Variants in ATP6V1E2 observed in about 807,000 individuals in gnomAD.
ATP6V1E2 encodes V-type proton ATPase subunit E 2.
For synonymous variants in ATP6V1E2, 121 were observed against 104.2 expected (o/e 1.16, Z -0.98); for missense variants, 308 against 273.3 (o/e 1.13, Z -0.90).
intron 4 of ATP6V1E2, among the ~76,000 whole-genome samples, chr2:46,529,009 C>T (rs1344187790): frequency 6.6e-6 from 1 of 152,164 alleles, no homozygotes; most frequent in Non-Finnish European, 1.5e-5. Context: ...GAGGTCAGAG[C>T]CCCAGGCAGC....
chr2:46,516,355 G>A (rs76724814), intron 4 of ATP6V1E2, among the ~76,000 whole-genome samples: 5,219 of 152,290 alleles, frequency 0.034, 112 homozygotes, highest in Non-Finnish European at 0.053. Flanking sequence ...GAATGAAACC[G>A]GAAATCAATA....
intron 4 of ATP6V1E2, among the ~76,000 whole-genome samples, chr2:46,521,047 C>T (rs1176191586): frequency 1.3e-5 from 2 of 152,174 alleles, no homozygotes; most frequent in Non-Finnish European, 2.9e-5. Flanking sequence ...CATTTCCAAA[C>T]TGGTGATTGT....
At chr2:46,534,865 G>A (rs1378349165) in intron 4 of ATP6V1E2, 2 of 152,210 alleles carry the variant, frequency 1.3e-5, no homozygotes, top group Admixed American at 6.5e-5. Flanking sequence ...GTGAGCCCTG[G>A]GAACCAATCA....
At chr2:46,519,667 C>T (rs528159377) in intron 4 of ATP6V1E2, 11 of 152,316 alleles carry the variant, frequency 7.2e-5, no homozygotes, top group Admixed American at 6.5e-4. Context: ...ATAATAGCAG[C>T]TACATCATTG....
chr2:46,524,398 A>T (rs1157632439), intron 4 of ATP6V1E2, among the ~76,000 whole-genome samples: 1 of 152,236 alleles, frequency 6.6e-6, no homozygotes, highest in Non-Finnish European at 1.5e-5. Flanking sequence ...ATAGTACCTT[A>T]ACTTGGAGGC....
intron 4 of ATP6V1E2, among the ~76,000 whole-genome samples, chr2:46,529,618 T>C (rs770578518): frequency 3.9e-4 from 60 of 152,208 alleles, no homozygotes; most frequent in East Asian, 7.7e-4. Flanking sequence ...GAGCTAGGCA[T>C]GATGGTGTGC....
intron 4 of ATP6V1E2, among the ~76,000 whole-genome samples, chr2:46,522,000 A>T (rs1400472052): frequency 6.6e-6 from 1 of 152,158 alleles, no homozygotes; most frequent in Non-Finnish European, 1.5e-5. Flanking sequence ...CTGTCTTTCA[A>T]AAAGTATTTT....
In ATP6V1E2 at chr2:46,542,439, C is replaced by T. The variant is rs1350098008; in HGVS notation, c.-596G>A. The stretch of plus-strand genomic sequence containing the variant: ...GCTGCGGGCACTTGCGCGAGGAGCC[C>T]TCGGCTCCCCAGGCGACTCCCCTCC... On this transcript the variant is annotated 5_prime_UTR_variant, in exon 1 of 5. Transcript: ENST00000522587. 1.3e-5 allele frequency: 2 copies of T among 151,276 alleles called. No homozygotes were observed. The highest frequency in any genetic ancestry group is 1.5e-5 in the Non-Finnish European group (1 of 67,866). The allele number at this position is 151,276 out of a possible 1,614,324, so 9.4% of individuals were successfully genotyped here.
intron 4 of ATP6V1E2, among the ~76,000 whole-genome samples, chr2:46,531,538 T>C (rs1456624154): frequency 1.3e-5 from 2 of 152,242 alleles, no homozygotes; most frequent in African/African-American, 4.8e-5. Flanking sequence ...CTTTTGGATA[T>C]ATACCTAGCT....
intron 4 of ATP6V1E2, among the ~76,000 whole-genome samples, chr2:46,529,704 C>T (rs184425457): frequency 5.3e-5 from 8 of 152,094 alleles, no homozygotes; most frequent in Admixed American, 1.3e-4. Context: ...TGCAGTGAGC[C>T]GTGATTGTGC....
rs559743227 is a variant in ATP6V1E2, at chr2:46,530,386, C to T, written c.-102+5427G>A. Among the ~76,000 whole-genome samples the T allele has an allele frequency of 1.6e-4, 24 of 152,322 alleles. No homozygotes were observed. The highest frequency in any genetic ancestry group is 5.1e-4 in the African/African-American group (21 of 41,576). On this transcript the variant is annotated intron_variant, in intron 4 of 4. Coordinates refer to ENST00000522587, the MANE Select transcript of ATP6V1E2 (RefSeq NM_001318063.2). The surrounding 1 kb of genome is among the most constrained non-coding windows in gnomAD (Gnocchi z 5.2). ...AGGTCAGGCATCCACCTCTCAGGAACCAAGAACCATCATCCTCCTCCCTTC... is the reference window on the plus strand; with the variant it reads ...AGGTCAGGCATCCACCTCTCAGGAATCAAGAACCATCATCCTCCTCCCTTC...
intron 2 of ATP6V1E2, among the ~76,000 whole-genome samples, chr2:46,539,703 A>C (rs940508653): frequency 1.3e-5 from 2 of 152,206 alleles, no homozygotes; most frequent in Non-Finnish European, 2.9e-5. Flanking sequence ...TACATGCCTC[A>C]CCATTCCCAG....
At chr2:46,523,075 T>C (rs982896905) in intron 4 of ATP6V1E2, among the ~76,000 whole-genome samples, 1 of 152,202 alleles carries the variant, frequency 6.6e-6, no homozygotes, top group Non-Finnish European at 1.5e-5. Flanking sequence ...CTTTGCCCAC[T>C]TTTTGATGTT....
chr2:46,531,790 T>A (rs370480344), intron 4 of ATP6V1E2, among the ~76,000 whole-genome samples: 6 of 152,356 alleles, frequency 3.9e-5, no homozygotes, highest in African/African-American at 1.4e-4. Flanking sequence ...CTACTAATGA[T>A]GTTGAATACC....
chr2:46,521,638 T>C (rs953974861), intron 4 of ATP6V1E2, among the ~76,000 whole-genome samples: 2 of 152,062 alleles, frequency 1.3e-5, no homozygotes, highest in African/African-American at 4.8e-5. Flanking sequence ...TTGGGGGATT[T>C]TAAATATTGA....
intron 4 of ATP6V1E2, chr2:46,534,598 ATGT>A (rs1191814460): frequency 6.6e-6 from 1 of 152,200 alleles, no homozygotes; most frequent in Non-Finnish European, 1.5e-5. Context: ...TCTGAATTTA[ATGT>A]TGTTAAATGT....
At chr2:46,515,590 C>A (rs34334183) in intron 4 of ATP6V1E2, among the ~76,000 whole-genome samples, 36,884 of 151,622 alleles carry the variant, frequency 0.24, 5,482 homozygotes, top group Middle Eastern at 0.35. Context: ...AGGAAGATAG[C>A]AAGAGAGGAA....
intron 4 of ATP6V1E2, among the ~76,000 whole-genome samples, chr2:46,526,666 T>G (rs2103889371): frequency 6.6e-6 from 1 of 152,348 alleles, no homozygotes; most frequent in East Asian, 1.9e-4. Context: ...CTTATTTCAC[T>G]TAGTATGATG....
At chr2:46,531,978 T>C (rs2103913857) in intron 4 of ATP6V1E2, among the ~76,000 whole-genome samples, 1 of 152,382 alleles carries the variant, frequency 6.6e-6, no homozygotes, top group South Asian at 2.1e-4. Context: ...TCTCTCATTC[T>C]GTATGCTGTC....
Sources: allele counts gnomAD v4.1 joint callset (sites outside exome capture counted in the v4.1 genomes callset), GRCh38; gene constraint gnomAD v4.1.1; non-coding constraint Gnocchi (gnomAD v3.1); transcripts MANE v1.5; gene names NCBI Gene and HGNC (gene_info 2026-07-23, HGNC 2026-07-21).